The following DOK5 variants were observed in gnomAD, a reference collection of about 807,000 sequenced individuals.
DOK5 encodes docking protein 5, also known as downstream of tyrosine kinase 5.
Under a neutral mutation model 43.3 loss-of-function variants are expected in DOK5, and 27 were observed. The ratio of observed to expected loss-of-function variants is 0.62; its 90% CI spans 0.46 to 0.86. DOK5 has a LOEUF of 0.86. Ranked by LOEUF, DOK5 falls within the 40% of genes least tolerant of loss-of-function variation. The pLI is 0.00. For synonymous variants in DOK5, 146 were observed against 140.1 expected, an observed-to-expected ratio of 1.04 and a Z score of -0.30; for missense variants, 373 against 392.9, an observed-to-expected ratio of 0.95 and a Z score of 0.43.
chr20:54,586,657 G>A (rs975124228), intron 2 of DOK5, among the ~76,000 whole-genome samples: 25 of 152,290 alleles, frequency 1.6e-4, no homozygotes, highest in African/African-American at 6.0e-4. Flanking sequence ...ATCATTGGAT[G>A]GTGTAGCCTT....
intron 1 of DOK5, among the ~76,000 whole-genome samples, chr20:54,520,209 G>T (rs369723878): frequency 3.1e-4 from 47 of 152,150 alleles, no homozygotes; most frequent in Admixed American, 1.3e-4. Context: ...CACTTGCTTA[G>T]GTTATCAACC....
chr20:54,634,214 A>T (rs1396062526), intron 6 of DOK5, among the ~76,000 whole-genome samples: 2 of 149,812 alleles, frequency 1.3e-5, no homozygotes, highest in Non-Finnish European at 3.0e-5. Context: ...TTTTCTCACC[A>T]TTATGAGGAA....
chr20:54,592,035 G>C (rs936075015), intron 5 of DOK5, among the ~76,000 whole-genome samples: 1 of 152,128 alleles, frequency 6.6e-6, no homozygotes, highest in South Asian at 2.1e-4. Context: ...CACACACATG[G>C]TACAAATTTT....
chr20:54,485,194 G>T (rs1294865431), intron 1 of DOK5, among the ~76,000 whole-genome samples: 1 of 151,986 alleles, frequency 6.6e-6, no homozygotes, highest in African/African-American at 2.4e-5. Flanking sequence ...GTCGGGCATG[G>T]TGGAGAGCTA....
At chr20:54,492,301 T>C (rs1982211968) in intron 1 of DOK5, among the ~76,000 whole-genome samples, 1 of 152,204 alleles carries the variant, frequency 6.6e-6, no homozygotes, top group Non-Finnish European at 1.5e-5. Flanking sequence ...TGTGTATATA[T>C]ATAATTTGTT....
chr20:54,571,216 T>C (rs1040452338), intron 2 of DOK5, among the ~76,000 whole-genome samples: 1 of 152,230 alleles, frequency 6.6e-6, no homozygotes, highest in Non-Finnish European at 1.5e-5. Flanking sequence ...ATCTCCCTGC[T>C]TTTTTATTCC....
chr20:54,631,050 G>A (rs7270175), intron 6 of DOK5, among the ~76,000 whole-genome samples: 2,713 of 152,216 alleles, frequency 0.018, 29 homozygotes, highest in South Asian at 0.022. Flanking sequence ...TAGAGCCAAA[G>A]GATGGACTAA....
intron 1 of DOK5, among the ~76,000 whole-genome samples, chr20:54,478,989 G>GTGTGTGTATATATGTATATATATGTATA (rs1981553387): frequency 6.6e-6 from 1 of 151,922 alleles, no homozygotes; most frequent in African/African-American, 2.4e-5. Context: ...ACATATATGT[G>GTGTGTGTATATATGTATATATATGTATA]TATGTGTGTG....
chr20:54,619,978 A>C (rs6023416), intron 6 of DOK5, among the ~76,000 whole-genome samples: 5,898 of 151,834 alleles, frequency 0.039, 398 homozygotes, highest in African/African-American at 0.14. Context: ...TCTCCCTTGT[A>C]CCTCCCCACC....
At chr20:54,504,302 A>G (rs1600667303) in intron 1 of DOK5, among the ~76,000 whole-genome samples, 1 of 152,316 alleles carries the variant, frequency 6.6e-6, no homozygotes, top group East Asian at 1.9e-4. Context: ...AAATAGTTCT[A>G]GTTTAACTGA....
At chr20:54,642,568 AG>A (rs1162949304) in intron 6 of DOK5, among the ~76,000 whole-genome samples, 3 of 149,838 alleles carry the variant, frequency 2.0e-5, no homozygotes, top group Admixed American at 6.6e-5. Context: ...AAAAAAAAAA[AG>A]AAAAATTAGC....
intron 6 of DOK5, among the ~76,000 whole-genome samples, chr20:54,618,701 A>G (rs193216254): frequency 4.1e-4 from 63 of 152,184 alleles, no homozygotes; most frequent in African/African-American, 1.5e-3. Context: ...GCATCTATCA[A>G]TGTATAATAT....
intron 1 of DOK5, among the ~76,000 whole-genome samples, chr20:54,553,175 GT>G (rs147715134): frequency 0.022 from 3,382 of 152,246 alleles, 120 homozygotes; most frequent in African/African-American, 0.077. Flanking sequence ...TTTGTTTTGG[GT>G]TTTTTCCTAA....
At chr20:54,510,867 A>G (rs550465149) in intron 1 of DOK5, among the ~76,000 whole-genome samples, 2 of 152,290 alleles carry the variant, frequency 1.3e-5, no homozygotes, top group Non-Finnish European at 2.9e-5. Context: ...GCTCATTAAA[A>G]TGGGAATGAG....
At chr20:54,623,436 C>T (rs1987047509) in intron 6 of DOK5, among the ~76,000 whole-genome samples, 1 of 152,036 alleles carries the variant, frequency 6.6e-6, no homozygotes, top group Non-Finnish European at 1.5e-5. Flanking sequence ...TTGCCTTGTT[C>T]ACATCATATG....
At chr20:54,519,792 G>A (rs867887938) in intron 1 of DOK5, among the ~76,000 whole-genome samples, 4 of 152,276 alleles carry the variant, frequency 2.6e-5, no homozygotes, top group Non-Finnish European at 2.9e-5. Flanking sequence ...TATGCTATGA[G>A]ATACCCAATT....
At chr20:54,595,268 A>C (rs1986105622) in intron 5 of DOK5, among the ~76,000 whole-genome samples, 1 of 152,020 alleles carries the variant, frequency 6.6e-6, no homozygotes, top group Non-Finnish European at 1.5e-5. Flanking sequence ...TGAACCCGGG[A>C]GGCGGAGCTT....
chr20:54,566,216 G>A (rs918565957), intron 2 of DOK5, among the ~76,000 whole-genome samples: 2 of 149,076 alleles, frequency 1.3e-5, no homozygotes, highest in African/African-American at 5.0e-5. Context: ...TAACTCCCTT[G>A]GGACTTATCC....
intron 1 of DOK5, among the ~76,000 whole-genome samples, chr20:54,481,449 G>A (rs1284564320): frequency 6.6e-6 from 1 of 152,146 alleles, no homozygotes; most frequent in African/African-American, 2.4e-5. Flanking sequence ...GATTACAGGC[G>A]TGAGCCACCG....
Sources: allele counts gnomAD v4.1 joint callset (sites outside exome capture counted in the v4.1 genomes callset), GRCh38; gene constraint gnomAD v4.1.1; transcripts MANE v1.5; gene names NCBI Gene and HGNC (gene_info 2026-07-23, HGNC 2026-07-21).